CLVS1: variants seen among roughly 807,000 people sequenced by gnomAD.
CLVS1 encodes the protein clavesin 1.
Under a neutral mutation model 33.1 loss-of-function variants are expected in CLVS1, and 10 were observed. That is an observed-to-expected ratio of 0.30 (90% CI 0.19 to 0.51). The LOEUF (loss-of-function observed/expected upper bound fraction) is 0.51, where lower values mean the gene tolerates loss of function less well. Among genes scored for constraint, CLVS1 ranks in the 20% least tolerant of loss-of-function variants. CLVS1 has a pLI of 0.97. For missense variants in CLVS1, 343 were observed against 433.4 expected (o/e 0.79, Z 1.85); for synonymous variants, 163 against 166.1 (o/e 0.98, Z 0.14).
intron 2 of CLVS1, among the ~76,000 whole-genome samples, chr8:61,274,446 T>C (rs187901463): frequency 6.6e-6 from 1 of 152,324 alleles, no homozygotes; most frequent in Non-Finnish European, 1.5e-5. Context: ...GTGAATCACT[T>C]AACCAAGGAT....
chr8:61,459,705 T>C (rs899451377), intron 5 of CLVS1, among the ~76,000 whole-genome samples: 12 of 152,218 alleles, frequency 7.9e-5, no homozygotes, highest in Non-Finnish European at 1.5e-4. Flanking sequence ...GCCCTTGTAA[T>C]TCTGTTTTCC....
At chr8:61,006,182 G>A in the CLVS1 span, among the ~76,000 whole-genome samples, 4 of 152,174 alleles carry the variant, frequency 2.6e-5, no homozygotes, top group African/African-American at 7.2e-5. Flanking sequence ...GGGACAAATC[G>A]GAAAGAGCTA....
chr8:60,969,076 T>C, the CLVS1 span, among the ~76,000 whole-genome samples: 7 of 152,202 alleles, frequency 4.6e-5, no homozygotes, highest in Non-Finnish European at 8.8e-5. Flanking sequence ...TCAAGCTCTA[T>C]ACGTCAAAAG....
chr8:61,203,878 T>C (rs1301568331), intron 2 of CLVS1, among the ~76,000 whole-genome samples: 2 of 152,232 alleles, frequency 1.3e-5, no homozygotes, highest in Non-Finnish European at 2.9e-5. Flanking sequence ...GTAAATGCAA[T>C]GTGAATGATC....
chr8:61,371,815 A>G (rs1433861020), intron 2 of CLVS1, among the ~76,000 whole-genome samples: 2 of 152,226 alleles, frequency 1.3e-5, no homozygotes, highest in Non-Finnish European at 2.9e-5. Flanking sequence ...GAACCTAAAA[A>G]TGAGTCACTA....
chr8:61,086,714 A>G (rs1367175734), intron 1 of CLVS1, among the ~76,000 whole-genome samples: 1 of 151,596 alleles, frequency 6.6e-6, no homozygotes, highest in Non-Finnish European at 1.5e-5. Context: ...ATTATATTTT[A>G]TTTTCTCTTT....
At chr8:61,246,707 C>G (rs570101792) in intron 2 of CLVS1, among the ~76,000 whole-genome samples, 2 of 152,184 alleles carry the variant, frequency 1.3e-5, no homozygotes, top group Non-Finnish European at 2.9e-5. Context: ...GGGTTGAAAA[C>G]TCTTCCAGTT....
chr8:61,114,677 A>G (rs1453486751), intron 1 of CLVS1, among the ~76,000 whole-genome samples: 1 of 152,236 alleles, frequency 6.6e-6, no homozygotes, highest in Non-Finnish European at 1.5e-5. Flanking sequence ...GGTATTTACC[A>G]AGAGTTCTAG....
chr8:61,144,238 C>T (rs1336134406), intron 2 of CLVS1, among the ~76,000 whole-genome samples: 1 of 152,026 alleles, frequency 6.6e-6, no homozygotes, highest in Non-Finnish European at 1.5e-5. Flanking sequence ...GTGTGATGTT[C>T]CCCTCCCTGT....
chr8:61,449,768 G>A (rs962249525), intron 3 of CLVS1, among the ~76,000 whole-genome samples: 4 of 152,038 alleles, frequency 2.6e-5, no homozygotes, highest in African/African-American at 7.2e-5. Context: ...AGGAATTCTG[G>A]GAAACTCTCT....
At chr8:61,200,151 T>G (rs562385696) in intron 2 of CLVS1, among the ~76,000 whole-genome samples, 1 of 152,310 alleles carries the variant, frequency 6.6e-6, no homozygotes, top group South Asian at 2.1e-4. Context: ...GGAGTTTCAT[T>G]CTTGTTGCCC....
At position 61,416,695 on chromosome 8, in the gene CLVS1, T is replaced by C. The variant is rs1866695; in HGVS notation, c.631-37446T>C. On this transcript the variant is annotated intron_variant, in intron 3 of 5. Transcript: ENST00000325897. Reference sequence around the variant, plus strand: ...GCTTGGACAAAACATGTGCAATCAATGGACAGAGCTTCCACCTAGTAATGC... The same window carrying C: ...GCTTGGACAAAACATGTGCAATCAACGGACAGAGCTTCCACCTAGTAATGC... 9.9e-3 allele frequency among the ~76,000 whole-genome samples: 1,508 copies of C among 152,278 alleles called. 22 individuals are homozygous for C. Among genetic ancestry groups the C allele is most frequent in the African/African-American group, 0.033 (1,378 of 41,558 alleles).
intron 2 of CLVS1, among the ~76,000 whole-genome samples, chr8:61,229,544 A>ACATT (rs1240006156): frequency 6.6e-6 from 1 of 152,204 alleles, no homozygotes; most frequent in East Asian, 1.9e-4. Flanking sequence ...ACACTGCACC[A>ACATT]CATTGGCAGA....
intron 1 of CLVS1, among the ~76,000 whole-genome samples, chr8:61,096,039 A>G (rs1459048246): frequency 1.3e-5 from 2 of 152,250 alleles, no homozygotes; most frequent in Non-Finnish European, 2.9e-5. Context: ...CGTGCTGGCA[A>G]GTCTTGATTG....
intron 2 of CLVS1, among the ~76,000 whole-genome samples, chr8:61,174,584 C>T (rs899035310): frequency 3.9e-5 from 6 of 152,134 alleles, no homozygotes; most frequent in African/African-American, 1.4e-4. Context: ...AAATTGTTCC[C>T]CAACCAGTAT....
rs145846326 is a variant in CLVS1, at chr8:61,246,467, G to C, written c.-151-53210G>C. On this transcript the variant is annotated intron_variant, in intron 2 of 2. Coordinates refer to the CLVS1 transcript ENST00000522621. ...TTACAGGTGTGAGCCACTGCACCAG[G>C]CCTTCCTTCCCAACTTTTACATTAT... Among the ~76,000 whole-genome samples the C allele has an allele frequency of 1.3e-3, 203 of 151,638 alleles. 1 individual carries two copies. Among genetic ancestry groups the C allele is most frequent in the East Asian group, 0.011 (59 of 5,134 alleles).
At chr8:61,477,202 T>A (rs1031200637) in intron 5 of CLVS1, among the ~76,000 whole-genome samples, 3 of 152,244 alleles carry the variant, frequency 2.0e-5, no homozygotes, top group Non-Finnish European at 4.4e-5. Context: ...GGTTTTCCAG[T>A]ATTTTATTGA....
chr8:60,989,380 A>G, the CLVS1 span, among the ~76,000 whole-genome samples: 2 of 152,134 alleles, frequency 1.3e-5, no homozygotes, highest in African/African-American at 2.4e-5. Context: ...GAGTTTCACC[A>G]TGTTAGTCAG....
chr8:61,478,339 G>A (rs573267749), intron 5 of CLVS1, among the ~76,000 whole-genome samples: 1 of 152,154 alleles, frequency 6.6e-6, no homozygotes, highest in African/African-American at 2.4e-5. Context: ...AGGTCCACTT[G>A]GTTCAGAGCT....
Sources: gnomAD v4.1 joint callset for allele counts (sites outside exome capture counted in the v4.1 genomes callset) on GRCh38, gnomAD v4.1.1 for gene constraint, MANE v1.5 for transcripts, NCBI Gene and HGNC (gene_info 2026-07-23, HGNC 2026-07-21) for gene names.